The following MGAT3 variants were observed in gnomAD, a reference collection of about 807,000 sequenced individuals.
MGAT3 encodes GlcNAc-T III.
MGAT3 carries 9 observed loss-of-function variants against 29.8 expected under a neutral mutation model. The ratio of observed to expected loss-of-function variants is 0.30; its 90% confidence interval spans 0.18 to 0.53. The LOEUF (loss-of-function observed/expected upper bound fraction) is 0.53, where lower values mean the gene tolerates loss of function less well. Ranked by LOEUF, MGAT3 falls within the 20% of genes least tolerant of loss-of-function variation. The pLI is 0.96. For missense variants in MGAT3, 557 were observed against 769.5 expected, an observed-to-expected ratio of 0.72 and a Z score of 3.27; for synonymous variants, 397 against 348.9, an observed-to-expected ratio of 1.14 and a Z score of -1.54.
chr22:39,475,446 CCTT>C (rs1928931017), intron 1 of MGAT3, among the ~76,000 whole-genome samples: 1 of 152,244 alleles, frequency 6.6e-6, no homozygotes, highest in South Asian at 2.1e-4. Flanking sequence ...CCCGAGGTCT[CCTT>C]CTGCCAATCA....
chr22:39,487,187 C>A lies in MGAT3; in HGVS notation c.-1-160C>A. Reference sequence around the variant, plus strand: ...GGGGCTTTCAGGGGCCTTGGTACCGCGAGTTGACTCTTGGGGGCAGGAGGT... The same window carrying A: ...GGGGCTTTCAGGGGCCTTGGTACCGAGAGTTGACTCTTGGGGGCAGGAGGT... On this transcript the variant is annotated intron_variant, in intron 1 of 1. Coordinates refer to ENST00000341184, the MANE Select transcript of MGAT3 (RefSeq NM_002409.5). The surrounding 1 kb of genome is among the most constrained non-coding windows in gnomAD (Gnocchi z 5.7). The A allele has an allele frequency of 4.0e-6, 1 of 252,588 alleles. No homozygotes were observed. The highest frequency in any genetic ancestry group is 6.2e-6 in the Non-Finnish European group (1 of 160,196). The allele number at this position is 252,588 out of a possible 1,614,324, so 15.6% of individuals were successfully genotyped here.
At chr22:39,476,812 C>T (rs189730053) in intron 1 of MGAT3, 1 of 152,352 alleles carries the variant, frequency 6.6e-6, no homozygotes, top group Non-Finnish European at 1.5e-5. Context: ...TCCCCGATGA[C>T]CACCAGTAGC....
In MGAT3 at chr22:39,489,718, C is replaced by G. The variant is rs1929400350; in HGVS notation, c.*769C>G. 1.2e-5 allele frequency: 2 copies of G among 167,260 alleles called. No homozygotes were observed. Among genetic ancestry groups the G allele is most frequent in the African/African-American group, 4.9e-5 (2 of 41,186 alleles). The allele number at this position is 167,260 out of a possible 1,614,324, so 10.4% of individuals were successfully genotyped here. A position where few individuals can be genotyped will look rare whatever the true frequency, so the allele number is the denominator to read the frequency against. Reference sequence around the variant, plus strand: ...GACGTTCCTTCTCCCTTTCACATTGCTGTCTTGTGGACTGTGCACTCAGTC... The same window carrying G: ...GACGTTCCTTCTCCCTTTCACATTGGTGTCTTGTGGACTGTGCACTCAGTC... On this transcript the variant is annotated 3_prime_UTR_variant, in exon 2 of 2. Transcript: ENST00000341184.
At position 39,487,328 on chromosome 22, in the gene MGAT3, GTCTC is replaced by G. The variant is rs536905093; in HGVS notation, c.-1-10_-1-7del. 1.4e-5 allele frequency: 23 copies of G among 1,600,566 alleles called. No homozygotes were observed. In the East Asian group the frequency reaches 2.5e-4, roughly 17 times the overall value. On this transcript the variant is annotated splice_polypyrimidine_tract_variant and intron_variant, in intron 1 of 1. Coordinates refer to ENST00000341184, the MANE Select transcript of MGAT3 (RefSeq NM_002409.5). This position sits in a 1 kb window ranked among gnomAD's most constrained non-coding sequence, Gnocchi z 5.7. The stretch of plus-strand genomic sequence containing the variant: ...CCTGGGCTGCCCTGATGAGTCTCCT[GTCTC>G]TCTCTCTCCCGCAGGATGAAGATGA...
At chr22:39,459,138 A>G (rs1928430246) in intron 1 of MGAT3, among the ~76,000 whole-genome samples, 1 of 149,940 alleles carries the variant, frequency 6.7e-6, no homozygotes, top group Admixed American at 6.7e-5. Context: ...CAGTGGTGCC[A>G]TCCTGGCTCA....
intron 1 of MGAT3, among the ~76,000 whole-genome samples, chr22:39,473,138 G>A (rs1001925082): frequency 2.6e-5 from 4 of 152,126 alleles, no homozygotes; most frequent in African/African-American, 9.7e-5. Flanking sequence ...GTCAGAGGGC[G>A]GCTCTCGGGG....
chr22:39,458,916 G>C (rs540924993), intron 1 of MGAT3, among the ~76,000 whole-genome samples: 330 of 152,286 alleles, frequency 2.2e-3, no homozygotes, highest in Non-Finnish European at 3.5e-3. Flanking sequence ...GGCACAGCAG[G>C]GAGCTGGCAC....
At chr22:39,459,888 G>A (rs772745214) in intron 1 of MGAT3, among the ~76,000 whole-genome samples, 1 of 152,244 alleles carries the variant, frequency 6.6e-6, no homozygotes, top group Admixed American at 6.5e-5. Flanking sequence ...CGAGGATGCC[G>A]ATGCCAGCTG....
Position 39,487,427 on chromosome 22 carries a change from A to G in MGAT3, c.80A>G (p.Lys27Arg). 1 of 1,613,542 alleles carries G rather than the reference A, an allele frequency of 6.2e-7. No homozygotes were observed. Among genetic ancestry groups the G allele is most frequent in the Non-Finnish European group, 8.5e-7 (1 of 1,179,930 alleles). The change falls in exon 2 of 2, where the codon AAG (lysine) becomes AGG (arginine). Residue 27 changes from lysine (K) to arginine (R), a missense_variant. Physicochemically the swap from Lys to Arg is conservative, Grantham distance 26. Around this residue, in one of 3 missense-constraint regions of MGAT3, gnomAD observed 212 missense variants for 228.5 expected, o/e 0.93. Transcript: ENST00000341184. This position sits in a 1 kb window ranked among gnomAD's most constrained non-coding sequence, Gnocchi z 5.7. ...LCLISFLHFF[K>R]TLSYVTFPRE... is the part of the protein sequence containing the mutation. Reference sequence around the variant, plus strand: ...CTCATCTCCTTCCTGCACTTCTTCAAGACCCTGTCCTATGTCACCTTCCCC... The same window carrying G: ...CTCATCTCCTTCCTGCACTTCTTCAGGACCCTGTCCTATGTCACCTTCCCC...
intron 1 of MGAT3, among the ~76,000 whole-genome samples, chr22:39,472,596 T>C (rs1928841056): frequency 6.6e-6 from 1 of 151,964 alleles, no homozygotes; most frequent in African/African-American, 2.4e-5. Context: ...ACCTGGCACC[T>C]AGGAGTGGCT....
At chr22:39,484,160 G>A (rs1929205374) in intron 1 of MGAT3, among the ~76,000 whole-genome samples, 1 of 152,174 alleles carries the variant, frequency 6.6e-6, no homozygotes, top group Admixed American at 6.5e-5. Flanking sequence ...AGAGTTGGAG[G>A]AGATGGTCCT....
In MGAT3 at chr22:39,488,898, T is replaced by A. The variant is rs1465621653; in HGVS notation, c.1551T>A (p.Gly517=). 1.3e-6 allele frequency: 2 copies of A among 1,599,258 alleles called. No individual in the cohort carries two copies. Among genetic ancestry groups the A allele is most frequent in the Non-Finnish European group, 1.7e-6 (2 of 1,173,940 alleles). ...STAAGGWRHR[G]PEGRPPARGK... ...CGGCGGGCGGGTGGCGCCACAGGGG[T>A]CCCGAGGGAAGGCCGCCCGCCCGGG... Residue 517 remains glycine (G), a synonymous_variant, in exon 2 of 2, where the codon GGT becomes GGA. Coordinates refer to ENST00000341184, the MANE Select transcript of MGAT3 (RefSeq NM_002409.5).
rs867078840 is a variant in MGAT3 at position 39,457,789 on chromosome 22, C to T, written c.-2+232C>T. 3.3e-5 allele frequency among the ~76,000 whole-genome samples: 5 copies of T among 151,216 alleles called. No homozygotes were observed. Among genetic ancestry groups the T allele is most frequent in the Middle Eastern group, 3.4e-3 (1 of 290 alleles). On this transcript the variant is annotated intron_variant, in intron 1 of 1. Coordinates refer to ENST00000341184, the MANE Select transcript of MGAT3 (RefSeq NM_002409.5). This position sits in a 1 kb window ranked among gnomAD's most constrained non-coding sequence, Gnocchi z 6.8. ...CCCCTCCCCCTACCCGCCGCTCCTCCGAGCTCCCCGGTCCCCGGAGGGCAG... is the reference window on the plus strand; with the variant it reads ...CCCCTCCCCCTACCCGCCGCTCCTCTGAGCTCCCCGGTCCCCGGAGGGCAG...
At chr22:39,462,323 G>A (rs899842091) in intron 1 of MGAT3, among the ~76,000 whole-genome samples, 7 of 152,200 alleles carry the variant, frequency 4.6e-5, no homozygotes, top group African/African-American at 7.2e-5. Context: ...TGTTTGTTAC[G>A]TGTTCCTGAT....
At chr22:39,478,717 G>T (rs1013478650) in intron 1 of MGAT3, among the ~76,000 whole-genome samples, 18 of 152,220 alleles carry the variant, frequency 1.2e-4, no homozygotes, top group African/African-American at 4.3e-4. Context: ...ACAGCCAGTG[G>T]CCTCCAGAGA....
At position 39,489,143 on chromosome 22, in the gene MGAT3, C is replaced by T. The variant is rs570250015; in HGVS notation, c.*194C>T. The T allele has an allele frequency of 1.1e-4, 92 of 800,196 alleles. No homozygotes were observed. In the East Asian group the frequency reaches 2.3e-3, roughly 20 times the overall value. The allele number at this position is 800,196 out of a possible 1,614,324, so 49.6% of individuals were successfully genotyped here. On this transcript the variant is annotated 3_prime_UTR_variant, in exon 2 of 2. Coordinates refer to ENST00000341184, the MANE Select transcript of MGAT3 (RefSeq NM_002409.5). ...GCCTTTGAGCTCAGAAAATATCCCTCCTGTTGGGAGAGGGCGCAGGCCGTG... is the reference window on the plus strand; with the variant it reads ...GCCTTTGAGCTCAGAAAATATCCCTTCTGTTGGGAGAGGGCGCAGGCCGTG...
At chr22:39,480,448 C>T (rs1029591985) in intron 1 of MGAT3, among the ~76,000 whole-genome samples, 4 of 152,234 alleles carry the variant, frequency 2.6e-5, no homozygotes, top group Middle Eastern at 3.4e-3. Flanking sequence ...CCTCAAGCCA[C>T]GTACATCCAG....
chr22:39,487,563 C>T lies in MGAT3; in HGVS notation c.216C>T (p.Thr72=), dbSNP rs1929312330. 1 of 1,612,682 alleles carries T rather than the reference C, an allele frequency of 6.2e-7. No homozygotes were observed. Reference sequence around the variant, plus strand: ...CAGGAGGCCCTGACCTGCTGCGTACCCCACTCTACTCCCACTCGCCCCTGC... The same window carrying T: ...CAGGAGGCCCTGACCTGCTGCGTACTCCACTCTACTCCCACTCGCCCCTGC... ...PEPGGPDLLR[T]PLYSHSPLLQ... The change falls in exon 2 of 2, where the codon ACC becomes ACT. Residue 72 remains threonine (T), a synonymous_variant. Transcript: ENST00000341184. The surrounding 1 kb of genome is among the most constrained non-coding windows in gnomAD (Gnocchi z 5.7).
chr22:39,486,590 T>G (rs1205157212), intron 1 of MGAT3, among the ~76,000 whole-genome samples: 3 of 152,188 alleles, frequency 2.0e-5, no homozygotes, highest in Non-Finnish European at 4.4e-5. Flanking sequence ...AGCCTCAACC[T>G]CGAGGTCTCA....
Sources: gnomAD v4.1 joint callset for allele counts (sites outside exome capture counted in the v4.1 genomes callset) on GRCh38, gnomAD v4.1.1 for gene constraint, gnomAD v4.1.1 regional missense constraint, Gnocchi (gnomAD v3.1) non-coding constraint, MANE v1.5 for transcripts, NCBI Gene and HGNC (gene_info 2026-07-23, HGNC 2026-07-21) for gene names.